Variants in G3BP1 observed in about 807,000 individuals in gnomAD.
The protein encoded by G3BP1 is G3BP stress granule assembly factor 1.
G3BP1 carries 35 observed loss-of-function variants against 58.6 expected under a neutral mutation model. That is an observed-to-expected ratio of 0.60 (90% CI 0.46 to 0.79). The LOEUF (loss-of-function observed/expected upper bound fraction) is 0.79, where lower values mean the gene tolerates loss of function less well. G3BP1 is among the 30% of genes least tolerant of loss of function. The pLI, the probability that G3BP1 is intolerant of heterozygous loss-of-function variation, is 0.00. For missense variants in G3BP1, 523 were observed against 580.8 expected (o/e 0.90, Z 1.02); for synonymous variants, 191 against 195.4 (o/e 0.98, Z 0.19).
intron 1 of G3BP1, among the ~76,000 whole-genome samples, chr5:151,776,142 G>A (rs1021424402): frequency 6.6e-6 from 1 of 152,012 alleles, no homozygotes; most frequent in Non-Finnish European, 1.5e-5. Context: ...TTTGTCTTTC[G>A]TGACCATGAC....
chr5:151,789,936 A>G (rs1762621171), intron 2 of G3BP1, among the ~76,000 whole-genome samples: 1 of 152,094 alleles, frequency 6.6e-6, no homozygotes, highest in Non-Finnish European at 1.5e-5. Flanking sequence ...GCACTTTGGG[A>G]GGCCAAGGCA....
chr5:151,774,585 A>AT (rs199868684), intron 1 of G3BP1, among the ~76,000 whole-genome samples: 1,720 of 148,940 alleles, frequency 0.012, 27 homozygotes, highest in African/African-American at 0.032. Context: ...TTGCAAATTG[A>AT]TTTTTTTTTT....
At chr5:151,787,968 G>A (rs1762579884) in intron 2 of G3BP1, among the ~76,000 whole-genome samples, 1 of 151,734 alleles carries the variant, frequency 6.6e-6, no homozygotes, top group Non-Finnish European at 1.5e-5. Context: ...GCTGTCTCCC[G>A]GGCTGGAGTG....
rs1763018179 is a variant in G3BP1, at chr5:151,811,494, A to G, written c.*7403A>G. ...AGTAATAATTATGAGTTAACCACAGAAAATTTCAGAAAACTTTAATTTTTT... is the reference window on the plus strand; with the variant it reads ...AGTAATAATTATGAGTTAACCACAGGAAATTTCAGAAAACTTTAATTTTTT... On this transcript the variant is annotated 3_prime_UTR_variant, in exon 12 of 12. Transcript: ENST00000356245. 6.6e-6 allele frequency: 1 copy of G among 152,248 alleles called. No homozygotes were observed. The highest frequency in any genetic ancestry group is 2.4e-5 in the African/African-American group (1 of 41,468). The allele number at this position is 152,248 out of a possible 1,614,324, so 9.4% of individuals were successfully genotyped here. A position where few individuals can be genotyped will look rare whatever the true frequency, so the allele number is the denominator to read the frequency against.
chr5:151,795,365 CT>C (rs1405646869), intron 5 of G3BP1, 113 bp from the exon 6 acceptor site: 2 of 634,794 alleles, frequency 3.2e-6, no homozygotes, highest in African/African-American at 1.8e-5. Flanking sequence ...AATTGTCCTA[CT>C]TTGTTTATTT....
intron 2 of G3BP1, 32 bp downstream of exon 2, chr5:151,786,747 C>A: frequency 8.0e-7 from 1 of 1,248,282 alleles, no homozygotes; most frequent in Non-Finnish European, 1.2e-6. Context: ...TCATCTAATG[C>A]TGTCTTTTAG....
chr5:151,805,953 CAG>C lies in G3BP1; in HGVS notation c.*1864_*1865del, dbSNP rs1212943968. ...GAATACTAAATTATACATTTCAAAA[CAG>C]AAGTTCTTCCTACTTGGAGACTTAA... On this transcript the variant is annotated 3_prime_UTR_variant, in exon 12 of 12. Transcript: ENST00000356245. 1 of 152,092 alleles carries C rather than the reference CAG, an allele frequency of 6.6e-6. No homozygotes were observed. The highest frequency in any genetic ancestry group is 2.4e-5 in the African/African-American group (1 of 41,398). The allele number at this position is 152,092 out of a possible 1,614,324, so 9.4% of individuals were successfully genotyped here.
At chr5:151,801,012 A>G in intron 11 of G3BP1, 143 bp downstream of exon 11, 1 of 556,220 alleles carries the variant, frequency 1.8e-6, no homozygotes, top group Non-Finnish European at 3.2e-6. Flanking sequence ...ATTTTCAACC[A>G]TTATTAAAAG....
At chr5:151,787,249 A>C (rs1272022754) in intron 2 of G3BP1, 1 of 152,422 alleles carries the variant, frequency 6.6e-6, no homozygotes, top group Non-Finnish European at 1.5e-5. Context: ...ATAGTCATGC[A>C]TTATTTACTA....
intron 1 of G3BP1, among the ~76,000 whole-genome samples, chr5:151,779,615 T>C (rs550508877): frequency 6.6e-6 from 1 of 152,366 alleles, no homozygotes; most frequent in Non-Finnish European, 1.5e-5. Flanking sequence ...CAGTACATAT[T>C]TGGCAACTGA....
In G3BP1 at chr5:151,810,829, TTG is replaced by T. The variant is rs1491435640; in HGVS notation, c.*6739_*6740del. The T allele has an allele frequency of 1.3e-5, 2 of 150,522 alleles. No homozygotes were observed. The highest frequency in any genetic ancestry group is 6.6e-5 in the Admixed American group (1 of 15,080). The allele number at this position is 150,522 out of a possible 1,614,324, so 9.3% of individuals were successfully genotyped here. On this transcript the variant is annotated 3_prime_UTR_variant, in exon 12 of 12. Coordinates refer to ENST00000356245, the MANE Select transcript of G3BP1 (RefSeq NM_005754.3). ...TCAGTGGAGAAAATTGTTGGGAAAT[TTG>T]GGGGGATGGATATATAAGGGGGAGG...
intron 7 of G3BP1, 106 bp downstream of exon 7, chr5:151,797,534 A>G: frequency 4.9e-6 from 6 of 1,218,612 alleles, no homozygotes; most frequent in Non-Finnish European, 6.8e-6. Context: ...ACATTTTCAT[A>G]TTGGTGGTTC....
In G3BP1 at chr5:151,807,140, T is replaced by C. The variant is rs1762948713; in HGVS notation, c.*3049T>C. ...TAATCCAAAAATAATAATTTGACTT[T>C]GGTTGAGTATGTCATTACCACAGTG... On this transcript the variant is annotated 3_prime_UTR_variant, in exon 12 of 12. Transcript: ENST00000356245. 2 of 152,338 alleles carry C rather than the reference T, an allele frequency of 1.3e-5. No individual in the cohort carries two copies. The highest frequency in any genetic ancestry group is 4.1e-4 in the South Asian group (2 of 4,830). 9.4% of individuals were successfully genotyped at this position (152,338 alleles called of 1,614,324 possible).
Position 151,810,313 on chromosome 5 carries a change from G to C in G3BP1, c.*6222G>C, listed in dbSNP as rs1440293760. 2.0e-5 allele frequency: 3 copies of C among 152,122 alleles called. No individual in the cohort carries two copies. The East Asian group carries it at 5.8e-4, about 29-fold the overall frequency. 9.4% of individuals were successfully genotyped at this position (152,122 alleles called of 1,614,324 possible). A position where few individuals can be genotyped will look rare whatever the true frequency, so the allele number is the denominator to read the frequency against. On this transcript the variant is annotated 3_prime_UTR_variant, in exon 12 of 12. Coordinates refer to ENST00000356245, the MANE Select transcript of G3BP1 (RefSeq NM_005754.3). Reference sequence around the variant, plus strand: ...AGATCTACAATCCCCCCTTTCCTCTGATCTCTTGCCATGTAAGTAATTTTT... The same window carrying C: ...AGATCTACAATCCCCCCTTTCCTCTCATCTCTTGCCATGTAAGTAATTTTT...
intron 1 of G3BP1, among the ~76,000 whole-genome samples, chr5:151,781,553 A>G (rs754170508): frequency 6.6e-6 from 1 of 152,232 alleles, no homozygotes; most frequent in Non-Finnish European, 1.5e-5. Flanking sequence ...GACCCATACG[A>G]AATATCACTA....
intron 2 of G3BP1, chr5:151,787,355 T>C (rs1581575525): frequency 6.6e-6 from 1 of 152,302 alleles, no homozygotes; most frequent in South Asian, 2.1e-4. Flanking sequence ...CATACTTTTG[T>C]GTTGATGCGC....
At chr5:151,802,148 ATGTCAACC>A (rs1175649889) in intron 11 of G3BP1, among the ~76,000 whole-genome samples, 1 of 152,332 alleles carries the variant, frequency 6.6e-6, no homozygotes, top group African/African-American at 2.4e-5. Flanking sequence ...TGGTTATAAC[ATGTCAACC>A]TGAGTATGCA....
chr5:151,791,265 T>C (rs971253880), intron 4 of G3BP1: 28 of 437,778 alleles, frequency 6.4e-5, no homozygotes, highest in Admixed American at 1.4e-4. Context: ...TAAAATAGTT[T>C]AGTGGGCATT....
intron 1 of G3BP1, chr5:151,772,494 C>T (rs947008718): frequency 2.0e-5 from 3 of 152,638 alleles, no homozygotes; most frequent in Non-Finnish European, 4.4e-5. Context: ...TGATTGGAGT[C>T]TTGCGGTCCG....
Sources: gnomAD v4.1 joint callset for allele counts (sites outside exome capture counted in the v4.1 genomes callset) on GRCh38, gnomAD v4.1.1 for gene constraint, MANE v1.5 for transcripts, NCBI Gene and HGNC (gene_info 2026-07-23, HGNC 2026-07-21) for gene names.